TRPM6: variants seen among roughly 807,000 people sequenced by gnomAD.
The protein encoded by TRPM6 is transient receptor potential cation channel subfamily M member 6.
Under a neutral mutation model 247.6 loss-of-function variants are expected in TRPM6, and 111 were observed. The ratio of observed to expected loss-of-function variants is 0.45; its 90% CI spans 0.38 to 0.52. The LOEUF (loss-of-function observed/expected upper bound fraction) is 0.52. TRPM6 is among the 20% of genes least tolerant of loss of function. TRPM6 has a pLI of 0.00. For synonymous variants in TRPM6, 892 were observed against 853.8 expected (o/e 1.04, Z -0.78); for missense variants, 2,126 against 2,421.5 (o/e 0.88, Z 2.56).
At position 74,842,215 on chromosome 9, in the gene TRPM6, G is replaced by A. The variant is rs770871240; in HGVS notation, c.281C>T (p.Thr94Ile). 2 of 1,613,896 alleles carry A rather than the reference G, an allele frequency of 1.2e-6. No homozygotes were observed. Among genetic ancestry groups the A allele is most frequent in the Non-Finnish European group, 1.7e-6 (2 of 1,180,008 alleles). The change falls in exon 4 of 39, where the codon ACT becomes ATT. Residue 94 changes from threonine to isoleucine, a missense_variant. Physicochemically the swap from Thr to Ile is moderately conservative, Grantham distance 89. This residue lies in a region of TRPM6 where 1,082 missense variants were observed against 1,307.9 expected (regional missense o/e 0.83). Transcript: ENST00000360774. ...EKHTTKSPTDTFGTINFQDGE... is the reference protein window; with the variant it reads ...EKHTTKSPTDIFGTINFQDGE... ...ATCTTGGAAATTAATCGTGCCAAAA[G>A]TATCTGTTGGGCTTTTCGTTGTGTG...
At position 74,742,588 on chromosome 9, in the gene TRPM6, T is replaced by G; in HGVS notation, c.5173A>C (p.Ile1725Leu). Residue 1725 changes from isoleucine to leucine, a missense_variant, in exon 33 of 39, where the codon ATA (isoleucine) becomes CTA (leucine). By Grantham distance (5) the Ile-to-Leu change is conservative (BLOSUM62 2). Transcript: ENST00000360774. ...RNNLMRLSQT[I>L]PFTPVQLFAG... Reference sequence around the variant, plus strand: ...AACAGTTGGACTGGTGTAAATGGTATGGTCTGAGAAAGCCTCATTAAATTA... The same window carrying G: ...AACAGTTGGACTGGTGTAAATGGTAGGGTCTGAGAAAGCCTCATTAAATTA... The G allele has an allele frequency of 6.2e-7, 1 of 1,614,002 alleles. No individual in the cohort carries two copies. The highest frequency in any genetic ancestry group is 1.1e-5 in the South Asian group (1 of 91,078).
rs1212852447 is a variant in TRPM6, at chr9:74,800,905, T to G, written c.2010-423A>C. On this transcript the variant is annotated intron_variant, in intron 16 of 38. Coordinates refer to ENST00000360774, the MANE Select transcript of TRPM6 (RefSeq NM_017662.5). ...CCCTGATAAGACCTAATAAAGTGTG[T>G]TTTTTTTTTTTTTTTTGACAAAAAA... 1.1e-4 allele frequency among the ~76,000 whole-genome samples: 12 copies of G among 105,652 alleles called. 1 individual carries two copies. In the East Asian group the frequency reaches 3.6e-3, roughly 31 times the overall value. The allele number at this position is 105,652 out of a possible 152,430, so 69.3% of individuals were successfully genotyped here.
intron 17 of TRPM6, among the ~76,000 whole-genome samples, chr9:74,798,265 CT>C (rs67897159): frequency 0.23 from 33,997 of 145,210 alleles, 4,178 homozygotes; most frequent in African/African-American, 0.34. Context: ...TGTCAACCTT[CT>C]TTTTTTTTTT....
At chr9:74,733,548 G>A (rs956949120) in intron 36 of TRPM6, among the ~76,000 whole-genome samples, 10 of 152,084 alleles carry the variant, frequency 6.6e-5, no homozygotes, top group African/African-American at 1.9e-4. Flanking sequence ...TGTTATCCTC[G>A]TAGCCTCGTT....
At chr9:74,792,982 C>A (rs1010192363) in intron 18 of TRPM6, among the ~76,000 whole-genome samples, 5 of 152,060 alleles carry the variant, frequency 3.3e-5, no homozygotes, top group African/African-American at 1.2e-4. Context: ...CATGGAGAAA[C>A]CCTGCCTCTA....
chr9:74,755,657 C>A (rs1042644224), intron 27 of TRPM6, among the ~76,000 whole-genome samples, 184 bp from the exon 28 acceptor site: 1 of 152,190 alleles, frequency 6.6e-6, no homozygotes, highest in Non-Finnish European at 1.5e-5. Context: ...CATGTGATTT[C>A]TCTTTGCAGT....
At chr9:74,881,324 TAAAA>T (rs1039896649) in intron 1 of TRPM6, among the ~76,000 whole-genome samples, 4 of 151,498 alleles carry the variant, frequency 2.6e-5, no homozygotes, top group African/African-American at 9.7e-5. Context: ...AAAAAAAAGT[TAAAA>T]GAGACAAAAA....
chr9:74,814,613 G>A (rs1412227681), intron 11 of TRPM6, among the ~76,000 whole-genome samples: 1 of 152,012 alleles, frequency 6.6e-6, no homozygotes, highest in Non-Finnish European at 1.5e-5. Flanking sequence ...AAAAAAAGAA[G>A]AAATTAATAG....
At chr9:74,839,540 A>C (rs1456722829) in intron 5 of TRPM6, among the ~76,000 whole-genome samples, 1 of 152,174 alleles carries the variant, frequency 6.6e-6, no homozygotes, top group East Asian at 1.9e-4. Context: ...GTTTAGTGAA[A>C]GTCCAGGCCC....
At chr9:74,799,084 C>A (rs1419238868) in intron 17 of TRPM6, among the ~76,000 whole-genome samples, 1 of 152,112 alleles carries the variant, frequency 6.6e-6, no homozygotes, top group Non-Finnish European at 1.5e-5. Flanking sequence ...GCAATCAAAG[C>A]AAATCATTGG....
chr9:74,786,070 T>C lies in TRPM6; in HGVS notation c.2723A>G (p.Glu908Gly). ...CACAGTTTCTGTTAAGTTCCAGTAC[T>C]CACTAATCCATACCTTCACCTTTTG... ...FTQKVKVWIS[E>G]YWNLTETVAI... Residue 908 changes from glutamate to glycine, a missense_variant, in exon 21 of 39, where the codon GAG becomes GGG. Physicochemically the swap from Glu to Gly is moderately conservative, Grantham distance 98. Transcript: ENST00000360774. 1 of 1,614,212 alleles carries C rather than the reference T, an allele frequency of 6.2e-7. No individual in the cohort carries two copies. The highest frequency in any genetic ancestry group is 8.5e-7 in the Non-Finnish European group (1 of 1,180,028).
intron 36 of TRPM6, among the ~76,000 whole-genome samples, chr9:74,737,687 G>T (rs956971752): frequency 1.3e-5 from 2 of 152,088 alleles, no homozygotes; most frequent in Admixed American, 6.6e-5. Context: ...TTACCTCAAG[G>T]TGCTGCTTCT....
chr9:74,813,398 A>G (rs548447936), intron 11 of TRPM6, among the ~76,000 whole-genome samples: 1 of 152,352 alleles, frequency 6.6e-6, no homozygotes, highest in Admixed American at 6.5e-5. Flanking sequence ...TCCAACAAAA[A>G]CAAAATACAT....
chr9:74,794,383 G>A (rs1828016962), intron 18 of TRPM6, among the ~76,000 whole-genome samples: 1 of 152,064 alleles, frequency 6.6e-6, no homozygotes, highest in Admixed American at 6.5e-5. Context: ...AAGGCCTCGG[G>A]CATCTAGATG....
chr9:74,761,988 T>C lies in TRPM6; in HGVS notation c.4672+11A>G. The C allele has an allele frequency of 6.2e-7, 1 of 1,612,236 alleles. No homozygotes were observed. The highest frequency in any genetic ancestry group is 8.5e-7 in the Non-Finnish European group (1 of 1,178,420). ...GACTTAATGCTGATATTTTAAATGT[T>C]TATTCCTTACTTTTAATCTTACAGA... On this transcript the variant is annotated intron_variant, in intron 26 of 38. Transcript: ENST00000360774.
At chr9:74,754,542 G>A (rs577262474) in intron 28 of TRPM6, among the ~76,000 whole-genome samples, 1 of 152,240 alleles carries the variant, frequency 6.6e-6, no homozygotes, top group East Asian at 1.9e-4. Flanking sequence ...GAAAGTGAAG[G>A]GAACGTGTAA....
intron 21 of TRPM6, 101 bp from the exon 22 acceptor site, chr9:74,782,954 A>T: frequency 8.6e-7 from 1 of 1,157,822 alleles, no homozygotes; most frequent in Non-Finnish European, 1.3e-6. Context: ...AAATAATAAG[A>T]TTGTCTAGTC....
At chr9:74,807,140 A>G (rs908918457) in intron 14 of TRPM6, among the ~76,000 whole-genome samples, 7 of 152,158 alleles carry the variant, frequency 4.6e-5, no homozygotes, top group African/African-American at 1.7e-4. Flanking sequence ...TCATTTCTGA[A>G]AGCCAAGCTG....
chr9:74,730,392 A>G (rs1027442545), intron 37 of TRPM6, among the ~76,000 whole-genome samples: 10 of 152,172 alleles, frequency 6.6e-5, no homozygotes, highest in African/African-American at 2.4e-4. Flanking sequence ...TACCACAAGA[A>G]TATCTTCTCT....
Sources: gnomAD v4.1 joint callset for allele counts (sites outside exome capture counted in the v4.1 genomes callset) on GRCh38, gnomAD v4.1.1 for gene constraint, gnomAD v4.1.1 regional missense constraint, MANE v1.5 for transcripts, NCBI Gene and HGNC (gene_info 2026-07-23, HGNC 2026-07-21) for gene names.